Variants in SOCS4 observed in about 807,000 individuals in gnomAD.
The protein encoded by SOCS4 is suppressor of cytokine signaling 4, also known as SH2 domain containing SOCS box protein.
A neutral mutation model predicts 34.1 loss-of-function variants in SOCS4; 20 were observed. The ratio of observed to expected loss-of-function variants is 0.59; its 90% CI spans 0.41 to 0.85. SOCS4 has a LOEUF of 0.85. SOCS4 is among the 40% of genes least tolerant of loss of function. The pLI is 0.00. For synonymous variants in SOCS4, 180 were observed against 186.4 expected, an observed-to-expected ratio of 0.97 and a Z score of 0.28; for missense variants, 479 against 532.4, an observed-to-expected ratio of 0.90 and a Z score of 0.99.
intron 1 of SOCS4, among the ~76,000 whole-genome samples, chr14:55,030,960 G>T (rs1418489780): frequency 2.6e-5 from 4 of 152,004 alleles, no homozygotes; most frequent in African/African-American, 9.7e-5. Context: ...AGAATTCAAG[G>T]AAATAAGCCA....
rs1172189365 is a variant in SOCS4 at position 55,043,547 on chromosome 14, C to G, written c.506C>G (p.Thr169Ser). ...DEWVSTDLSQ[T>S]ELRDGQLKRR... ...TGGGTAAGCACAGACTTGTCTCAGA[C>G]TGAATTGAGGGATGGTCAGCTAAAA... Residue 169 changes from threonine (T) to serine (S), a missense_variant, in exon 3 of 3, where the codon ACT (threonine) becomes AGT (serine). Transcript: ENST00000555846. The G allele has an allele frequency of 7.4e-6, 12 of 1,613,982 alleles. No homozygotes were observed. Among genetic ancestry groups the G allele is most frequent in the Admixed American group, 1.7e-5 (1 of 59,998 alleles).
intron 2 of SOCS4, among the ~76,000 whole-genome samples, chr14:55,042,491 T>C (rs2042629308): frequency 6.6e-6 from 1 of 152,100 alleles, no homozygotes; most frequent in South Asian, 2.1e-4. Flanking sequence ...GGGAAGGAAA[T>C]AGGGAGAAGA....
intron 2 of SOCS4, among the ~76,000 whole-genome samples, chr14:55,037,928 A>G (rs1319021645): frequency 6.6e-6 from 1 of 152,166 alleles, no homozygotes; most frequent in Non-Finnish European, 1.5e-5. Context: ...GTTATTTCAT[A>G]TATGTTAGAA....
chr14:55,034,925 A>G (rs2042559366), intron 2 of SOCS4, among the ~76,000 whole-genome samples: 1 of 150,010 alleles, frequency 6.7e-6, no homozygotes, highest in South Asian at 2.1e-4. Flanking sequence ...CAATGGTGCA[A>G]TCTTGGCTCA....
chr14:55,033,971 T>C (rs1450785891), intron 2 of SOCS4, among the ~76,000 whole-genome samples: 1 of 152,130 alleles, frequency 6.6e-6, no homozygotes, highest in Non-Finnish European at 1.5e-5. Context: ...CTGTCTCTAC[T>C]AAAAATACAA....
chr14:55,034,303 G>C (rs1457720853), intron 2 of SOCS4, among the ~76,000 whole-genome samples: 1 of 152,108 alleles, frequency 6.6e-6, no homozygotes. Context: ...ACCATATTTA[G>C]TACTAATATT....
Position 55,047,821 on chromosome 14 carries a change from TAAG to T in SOCS4, c.*3462_*3464del, listed in dbSNP as rs2042690389. ...TCATTTATTCATGAGCCAAAGCCAT[TAAG>T]AAGATAAATCCAGTTATCAGCTTCC... On this transcript the variant is annotated 3_prime_UTR_variant, in exon 3 of 3. Transcript: ENST00000555846. 6.0e-6 allele frequency: 1 copy of T among 167,140 alleles called. No individual in the cohort carries two copies. Among genetic ancestry groups the T allele is most frequent in the Admixed American group, 6.5e-5 (1 of 15,294 alleles). 10.4% of individuals were successfully genotyped at this position (167,140 alleles called of 1,614,324 possible).
rs2042706044 is a variant in SOCS4 at position 55,049,421 on chromosome 14, A to C, written c.*5057A>C. 1 of 167,088 alleles carries C rather than the reference A, an allele frequency of 6.0e-6. No homozygotes were observed. Among genetic ancestry groups the C allele is most frequent in the South Asian group, 2.1e-4 (1 of 4,836 alleles). 10.4% of individuals were successfully genotyped at this position (167,088 alleles called of 1,614,324 possible). On this transcript the variant is annotated 3_prime_UTR_variant, in exon 3 of 3. Coordinates refer to ENST00000555846, the MANE Select transcript of SOCS4 (RefSeq NM_199421.2). ...AGTTGAATGTTTCTTCTTGGATGTA[A>C]GTTCAAATAAATTGATCTGGATAAA...
Position 55,048,225 on chromosome 14 carries a change from C to G in SOCS4, c.*3861C>G, listed in dbSNP as rs907161606. ...ATGAGCCACTGTGCCCGGCCAAGATCTAACTCACGCTTACTTTTCATTAAA... is the reference window on the plus strand; with the variant it reads ...ATGAGCCACTGTGCCCGGCCAAGATGTAACTCACGCTTACTTTTCATTAAA... On this transcript the variant is annotated 3_prime_UTR_variant, in exon 3 of 3. Transcript: ENST00000555846. 2 of 167,182 alleles carry G rather than the reference C, an allele frequency of 1.2e-5. No homozygotes were observed. The highest frequency in any genetic ancestry group is 6.5e-5 in the Admixed American group (1 of 15,306). The allele number at this position is 167,182 out of a possible 1,614,324, so 10.4% of individuals were successfully genotyped here.
intron 2 of SOCS4, among the ~76,000 whole-genome samples, chr14:55,039,268 T>A (rs933166591): frequency 6.6e-6 from 1 of 152,074 alleles, no homozygotes; most frequent in African/African-American, 2.4e-5. Flanking sequence ...AGACTCTGTC[T>A]CTACAAAAAA....
chr14:55,041,671 C>T (rs1246280542), intron 2 of SOCS4, among the ~76,000 whole-genome samples: 1 of 151,036 alleles, frequency 6.6e-6, no homozygotes. Flanking sequence ...GACAGGGTGT[C>T]ACCATGTTGG....
At chr14:55,041,707 T>G (rs1450597578) in intron 2 of SOCS4, among the ~76,000 whole-genome samples, 1 of 148,182 alleles carries the variant, frequency 6.7e-6, no homozygotes, top group African/African-American at 2.5e-5. Flanking sequence ...ACTCCTGACC[T>G]CATGATCCAC....
intron 2 of SOCS4, among the ~76,000 whole-genome samples, chr14:55,038,636 T>C (rs1010070818): frequency 1.3e-5 from 2 of 152,222 alleles, no homozygotes; most frequent in African/African-American, 4.8e-5. Flanking sequence ...TACCCTCTGC[T>C]GTGTCTGGTA....
At chr14:55,035,258 C>T (rs1471757139) in intron 2 of SOCS4, among the ~76,000 whole-genome samples, 7 of 120,122 alleles carry the variant, frequency 5.8e-5, no homozygotes, top group Admixed American at 2.3e-4. Context: ...CATTAGCACA[C>T]GTAAAAACAG....
At chr14:55,042,566 T>C (rs550089890) in intron 2 of SOCS4, among the ~76,000 whole-genome samples, 2 of 152,334 alleles carry the variant, frequency 1.3e-5, no homozygotes, top group South Asian at 4.1e-4. Context: ...GTCTGTCTTC[T>C]ACAAATAATT....
In SOCS4 at chr14:55,048,827, A is replaced by G. The variant is rs578251364; in HGVS notation, c.*4463A>G. 1 of 167,142 alleles carries G rather than the reference A, an allele frequency of 6.0e-6. No homozygotes were observed. Among genetic ancestry groups the G allele is most frequent in the Non-Finnish European group, 1.5e-5 (1 of 68,106 alleles). The allele number at this position is 167,142 out of a possible 1,614,324, so 10.4% of individuals were successfully genotyped here. A position where few individuals can be genotyped will look rare whatever the true frequency, so the allele number is the denominator to read the frequency against. On this transcript the variant is annotated 3_prime_UTR_variant, in exon 3 of 3. Coordinates refer to ENST00000555846, the MANE Select transcript of SOCS4 (RefSeq NM_199421.2). ...CTTGTAACTCGACTTCCTGGAGTTA[A>G]TTCTTCAGCAAGAGGTGACCCTGGG... is the stretch of plus-strand genomic sequence containing the variant.
chr14:55,030,115 A>G (rs1486844710), intron 1 of SOCS4, among the ~76,000 whole-genome samples: 1 of 152,116 alleles, frequency 6.6e-6, no homozygotes, highest in Admixed American at 6.5e-5. Flanking sequence ...AAGGTAGTCT[A>G]CCGCACTGAT....
At chr14:55,028,227 T>A (rs1258406267) in intron 1 of SOCS4, among the ~76,000 whole-genome samples, 1 of 152,186 alleles carries the variant, frequency 6.6e-6, no homozygotes, top group Non-Finnish European at 1.5e-5. Flanking sequence ...TTACCGTGGG[T>A]GGCATTGTGT....
chr14:55,040,919 TCTCA>T (rs2042612788), intron 2 of SOCS4, among the ~76,000 whole-genome samples: 1 of 141,620 alleles, frequency 7.1e-6, no homozygotes. Context: ...GGAACTGGGG[TCTCA>T]CTCTGTCACT....
Sources: allele counts gnomAD v4.1 joint callset (sites outside exome capture counted in the v4.1 genomes callset), GRCh38; gene constraint gnomAD v4.1.1; transcripts MANE v1.5; gene names NCBI Gene and HGNC (gene_info 2026-07-23, HGNC 2026-07-21).